The following PRCD variants were observed in gnomAD, a reference collection of about 807,000 sequenced individuals.
The protein encoded by PRCD is photoreceptor disc component, also known as photoreceptor disk component PRCD.
A neutral mutation model predicts 10.1 loss-of-function variants in PRCD; 12 were observed. The ratio of observed to expected loss-of-function variants is 1.18; its 90% confidence interval spans 0.76 to 1.92. PRCD has a LOEUF of 1.92. Among genes scored for constraint, PRCD ranks in the 40% most tolerant of loss-of-function variants. PRCD has a pLI of 0.00. For synonymous variants in PRCD, 31 were observed against 26.2 expected (o/e 1.18, Z -0.56); for missense variants, 61 against 72.2 (o/e 0.84, Z 0.56).
rs2074839300 is a variant in PRCD, at chr17:76,531,336, CT to C, written n.45+3504del. 7.6e-7 allele frequency: 1 copy of C among 1,308,092 alleles called. No homozygotes were observed. The highest frequency in any genetic ancestry group is 1.1e-6 in the Non-Finnish European group (1 of 950,898). 81.0% of individuals were successfully genotyped at this position (1,308,092 alleles called of 1,614,324 possible). On this transcript the variant is annotated intron_variant and non_coding_transcript_variant, in intron 1 of 4. Transcript: ENST00000397633. This position sits in a 1 kb window ranked among gnomAD's most constrained non-coding sequence, Gnocchi z 7.4. ...TCCATCCTGCTGCCGGGCACTGCCCCTCCCTCTCGCAGCCACTCCGGGGATC... is the reference window on the plus strand; with the variant it reads ...TCCATCCTGCTGCCGGGCACTGCCCCCCCTCTCGCAGCCACTCCGGGGATC...
Position 76,530,919 on chromosome 17 carries a change from C to G in PRCD, n.45+3086C>G. The G allele has an allele frequency of 1.3e-6, 2 of 1,499,248 alleles. No homozygotes were observed. The highest frequency in any genetic ancestry group is 1.8e-6 in the Non-Finnish European group (2 of 1,118,324). 92.9% of individuals were successfully genotyped at this position (1,499,248 alleles called of 1,614,324 possible). ...GGGCCTCAGGAGATATGGGAGACCT[C>G]GGGGACAGCAGAGGACATGGCGGGG... On this transcript the variant is annotated intron_variant and non_coding_transcript_variant, in intron 1 of 4. Coordinates refer to the PRCD transcript ENST00000397633. The surrounding 1 kb of genome is among the most constrained non-coding windows in gnomAD (Gnocchi z 6.1).
chr17:76,553,053 G>C (rs1268891657), intron 1 of PRCD: 2 of 151,718 alleles, frequency 1.3e-5, no homozygotes, highest in Admixed American at 1.3e-4. Context: ...GTTTCTGCGG[G>C]TCAGCAGCAT....
chr17:76,534,606 T>G (rs1375739559), intron 1 of PRCD, among the ~76,000 whole-genome samples: 1 of 152,242 alleles, frequency 6.6e-6, no homozygotes, highest in African/African-American at 2.4e-5. Context: ...TCTCCTGAGG[T>G]AGGCACTGTT....
rs1317316895 is a variant in PRCD, at chr17:76,533,224, G to A, written n.45+5391G>A. 3.3e-5 allele frequency among the ~76,000 whole-genome samples: 5 copies of A among 152,128 alleles called. No individual in the cohort carries two copies. Among genetic ancestry groups the A allele is most frequent in the African/African-American group, 7.2e-5 (3 of 41,428 alleles). ...GGCCAACTGTGACCTTGGGCAAACCGCTTCACAAGCTCCCTGTTTGCAGAA... is the reference window on the plus strand; with the variant it reads ...GGCCAACTGTGACCTTGGGCAAACCACTTCACAAGCTCCCTGTTTGCAGAA... On this transcript the variant is annotated intron_variant and non_coding_transcript_variant, in intron 1 of 4. Coordinates refer to the PRCD transcript ENST00000397633. The surrounding 1 kb of genome is among the most constrained non-coding windows in gnomAD (Gnocchi z 4.5).
Position 76,540,648 on chromosome 17 carries a change from CGTGTGTGCCT to C in PRCD, c.143+79_143+88del. ...GTGGCTGTGCATGCCTGGGGGTGCA[CGTGTGTGCCT>C]GTGCGCGCCTGTGCGTGCACCGTAT... On this transcript the variant is annotated intron_variant, in intron 2 of 4. Coordinates refer to ENST00000592014, the MANE Select transcript of PRCD (RefSeq NM_001077620.3). This position sits in a 1 kb window ranked among gnomAD's most constrained non-coding sequence, Gnocchi z 5.0. 6.9e-7 allele frequency: 1 copy of C among 1,456,138 alleles called. No homozygotes were observed. The highest frequency in any genetic ancestry group is 9.6e-7 in the Non-Finnish European group (1 of 1,042,626). 90.2% of individuals were successfully genotyped at this position (1,456,138 alleles called of 1,614,324 possible).
Position 76,540,352 on chromosome 17 carries a change from A to G in PRCD, c.74+137A>G. ...GGGAGGGCATTTTGAGGAACCCTTG[A>G]GAGAGCACAGTCTCAGAGCAGGGGG... On this transcript the variant is annotated intron_variant, in intron 1 of 4. Coordinates refer to ENST00000592014, the MANE Select transcript of PRCD (RefSeq NM_001077620.3). The surrounding 1 kb of genome is among the most constrained non-coding windows in gnomAD (Gnocchi z 5.0). 7.8e-7 allele frequency: 1 copy of G among 1,278,708 alleles called. No homozygotes were observed. The highest frequency in any genetic ancestry group is 1.1e-6 in the Non-Finnish European group (1 of 893,190). 79.2% of individuals were successfully genotyped at this position (1,278,708 alleles called of 1,614,324 possible).
intron 1 of PRCD, among the ~76,000 whole-genome samples, chr17:76,534,771 G>C (rs1165525984): frequency 2.0e-5 from 3 of 152,206 alleles, no homozygotes; most frequent in Admixed American, 2.0e-4. Context: ...CTGGTAACCA[G>C]GTGTCTCCTG....
Position 76,531,573 on chromosome 17 carries a change from C to T in PRCD, n.45+3740C>T. The T allele has an allele frequency of 1.9e-6, 3 of 1,614,082 alleles. No homozygotes were observed. Among genetic ancestry groups the T allele is most frequent in the Non-Finnish European group, 2.5e-6 (3 of 1,179,914 alleles). On this transcript the variant is annotated intron_variant and non_coding_transcript_variant, in intron 1 of 4. Transcript: ENST00000397633. This position sits in a 1 kb window ranked among gnomAD's most constrained non-coding sequence, Gnocchi z 7.4. Reference sequence around the variant, plus strand: ...AGGTTCTCCACGACAGTGTTGAGGGCCCCCATGACTCGGCAGGCGTGCTTC... The same window carrying T: ...AGGTTCTCCACGACAGTGTTGAGGGTCCCCATGACTCGGCAGGCGTGCTTC...
chr17:76,531,503 T>G lies in PRCD; in HGVS notation n.45+3670T>G, dbSNP rs1158213920. On this transcript the variant is annotated intron_variant and non_coding_transcript_variant, in intron 1 of 4. Coordinates refer to the PRCD transcript ENST00000397633. This position sits in a 1 kb window ranked among gnomAD's most constrained non-coding sequence, Gnocchi z 7.4. ...CACCTTGTGCTTGAGGGCGTGGGCT[T>G]TCCCCACAAGGGCGAGCACAGAGGA... 1.2e-6 allele frequency: 2 copies of G among 1,613,342 alleles called. No homozygotes were observed. Among genetic ancestry groups the G allele is most frequent in the Non-Finnish European group, 1.7e-6 (2 of 1,179,298 alleles).
Position 76,531,539 on chromosome 17 carries a change from G to T in PRCD, n.45+3706G>T. On this transcript the variant is annotated intron_variant and non_coding_transcript_variant, in intron 1 of 4. Transcript: ENST00000397633. This position sits in a 1 kb window ranked among gnomAD's most constrained non-coding sequence, Gnocchi z 7.4. ...GGCGAGCACAGAGGACACCTTGTCG[G>T]GGTCATGCAGGTTCTCCACGACAGT... 1 of 1,614,152 alleles carries T rather than the reference G, an allele frequency of 6.2e-7. No individual in the cohort carries two copies. Among genetic ancestry groups the T allele is most frequent in the Non-Finnish European group, 8.5e-7 (1 of 1,179,976 alleles).
chr17:76,552,879 A>ATAT (rs1326311445), intron 1 of PRCD: 5 of 107,522 alleles, frequency 4.7e-5, no homozygotes, highest in Admixed American at 2.1e-4. Context: ...AAAAAAAAAA[A>ATAT]AAATATATAT....
upstream of PRCD, among the ~76,000 whole-genome samples, chr17:76,537,143 G>A (rs1726245808): frequency 6.6e-6 from 1 of 152,230 alleles, no homozygotes; most frequent in Admixed American, 6.5e-5. Context: ...TGAGGCCGGG[G>A]AGAGGAGGGG....
At chr17:76,550,969 A>G (rs1314739533) in intron 1 of PRCD, 1 of 152,204 alleles carries the variant, frequency 6.6e-6, no homozygotes, top group Non-Finnish European at 1.5e-5. Flanking sequence ...AGAAAATAAG[A>G]CTCAGAGAGA....
chr17:76,552,434 C>T (rs1238332691), intron 1 of PRCD, among the ~76,000 whole-genome samples: 1 of 151,866 alleles, frequency 6.6e-6, no homozygotes, highest in Non-Finnish European at 1.5e-5. Context: ...CTCCTGACCT[C>T]GTGATCCACC....
chr17:76,543,910 C>T lies in PRCD; in HGVS notation c.*260C>T, dbSNP rs773379904. 6.0e-4 allele frequency: 281 copies of T among 470,728 alleles called. 3 individuals carry two copies. The highest frequency in any genetic ancestry group is 1.1e-4 in the Non-Finnish European group (26 of 227,070). The allele number at this position is 470,728 out of a possible 1,614,324, so 29.2% of individuals were successfully genotyped here. On this transcript the variant is annotated 3_prime_UTR_variant, in exon 5 of 5. Coordinates refer to ENST00000592014, the MANE Select transcript of PRCD (RefSeq NM_001077620.3). ...GCAGCTGGATGGGAGCAACGGACAG[C>T]TTGTCCTCCGAATGTGTTTTCTGTA...
rs970752458 is a variant in PRCD, at chr17:76,540,643, G to A, written c.143+70G>A. 139 of 1,440,130 alleles carry A rather than the reference G, an allele frequency of 9.7e-5. No homozygotes were observed. The Middle Eastern group carries it at 3.1e-3, about 32-fold the overall frequency. 89.2% of individuals were successfully genotyped at this position (1,440,130 alleles called of 1,614,324 possible). On this transcript the variant is annotated intron_variant, in intron 2 of 4. Coordinates refer to ENST00000592014, the MANE Select transcript of PRCD (RefSeq NM_001077620.3). The surrounding 1 kb of genome is among the most constrained non-coding windows in gnomAD (Gnocchi z 5.0). ...AAGCTGTGGCTGTGCATGCCTGGGG[G>A]TGCACGTGTGTGCCTGTGCGCGCCT...
rs1021596798 is a variant in PRCD at position 76,544,596 on chromosome 17, A to C, written c.*946A>C. The C allele has an allele frequency of 6.3e-5, 29 of 456,732 alleles. No homozygotes were observed. The Middle Eastern group carries it at 9.8e-4, about 15-fold the overall frequency. 28.3% of individuals were successfully genotyped at this position (456,732 alleles called of 1,614,324 possible). A position where few individuals can be genotyped will look rare whatever the true frequency, so the allele number is the denominator to read the frequency against. On this transcript the variant is annotated 3_prime_UTR_variant, in exon 5 of 5. Transcript: ENST00000592014. The stretch of plus-strand genomic sequence containing the variant: ...CAAAGCCAGAGCGCCAGCCTGACCC[A>C]GGCCGTGAGCCCGTGATCGCCTGTC...
At position 76,528,491 on chromosome 17, in the gene PRCD, C is replaced by T. The variant is rs1293080391; in HGVS notation, n.45+658C>T. ...TCAGGGATTCCTCCAGCTTCCTTGG[C>T]ACCCAGAAATGGAGCGTCAAGGAGG... is the stretch of plus-strand genomic sequence containing the variant. On this transcript the variant is annotated intron_variant and non_coding_transcript_variant, in intron 1 of 4. Transcript: ENST00000397633. This position sits in a 1 kb window ranked among gnomAD's most constrained non-coding sequence, Gnocchi z 5.8. 1.7e-6 allele frequency: 2 copies of T among 1,163,498 alleles called. No individual in the cohort carries two copies. 72.1% of individuals were successfully genotyped at this position (1,163,498 alleles called of 1,614,324 possible).
chr17:76,531,398 C>T lies in PRCD; in HGVS notation n.45+3565C>T, dbSNP rs960171130. 30 of 1,553,452 alleles carry T rather than the reference C, an allele frequency of 1.9e-5. No homozygotes were observed. Among genetic ancestry groups the T allele is most frequent in the Admixed American group, 8.7e-5 (5 of 57,480 alleles). On this transcript the variant is annotated intron_variant and non_coding_transcript_variant, in intron 1 of 4. Coordinates refer to the PRCD transcript ENST00000397633. This position sits in a 1 kb window ranked among gnomAD's most constrained non-coding sequence, Gnocchi z 7.4. Reference sequence around the variant, plus strand: ...CTCCAGAGAGCCGTCGCAGAGCCTGCGAGCTGCAGATGGCCATGACGCGTG... The same window carrying T: ...CTCCAGAGAGCCGTCGCAGAGCCTGTGAGCTGCAGATGGCCATGACGCGTG...
Sources: allele counts gnomAD v4.1 joint callset (sites outside exome capture counted in the v4.1 genomes callset), GRCh38; gene constraint gnomAD v4.1.1; non-coding constraint Gnocchi (gnomAD v3.1); transcripts MANE v1.5; gene names NCBI Gene and HGNC (gene_info 2026-07-23, HGNC 2026-07-21).